ADCY7: variants seen among roughly 807,000 people sequenced by gnomAD.
The protein encoded by ADCY7 is adenylate cyclase 7.
Under a neutral mutation model 120.6 loss-of-function variants are expected in ADCY7, and 72 were observed. That is an observed-to-expected ratio of 0.60 (90% CI 0.49 to 0.73). The LOEUF (loss-of-function observed/expected upper bound fraction) is 0.73. Among genes scored for constraint, ADCY7 ranks in the 30% least tolerant of loss-of-function variants. The probability of loss-of-function intolerance (pLI) is 0.00; values close to 1 mark genes in which losing one functional copy is unlikely to be tolerated. For missense variants in ADCY7, 1,227 were observed against 1,486.0 expected (o/e 0.83, Z 2.87); for synonymous variants, 661 against 628.0 (o/e 1.05, Z -0.78).
At chr16:50,246,569 G>T (rs2032593955) in intron 1 of ADCY7, among the ~76,000 whole-genome samples, 1 of 152,210 alleles carries the variant, frequency 6.6e-6, no homozygotes, top group South Asian at 2.1e-4. Flanking sequence ...ACAGAAGGGG[G>T]CTGGCTCGGG....
intron 8 of ADCY7, among the ~76,000 whole-genome samples, chr16:50,299,613 G>T (rs911527641): frequency 1.3e-5 from 2 of 152,216 alleles, no homozygotes; most frequent in Non-Finnish European, 2.9e-5. Context: ...TGCCCGTCCT[G>T]GATATCAGGC....
At chr16:50,280,284 T>A (rs764611972) in intron 1 of ADCY7, among the ~76,000 whole-genome samples, 9 of 151,962 alleles carry the variant, frequency 5.9e-5, no homozygotes, top group Non-Finnish European at 1.2e-4. Flanking sequence ...ATTAGTAACA[T>A]TCCTGTAGTC....
chr16:50,254,020 T>C (rs576525064), intron 1 of ADCY7, among the ~76,000 whole-genome samples: 82 of 152,310 alleles, frequency 5.4e-4, no homozygotes, highest in Middle Eastern at 3.4e-3. Flanking sequence ...GGGTTGAGGC[T>C]GGGTCTGTGT....
upstream of ADCY7, among the ~76,000 whole-genome samples, chr16:50,264,833 C>CTT (rs34527039): frequency 2.7e-4 from 30 of 110,322 alleles, no homozygotes; most frequent in African/African-American, 3.3e-4. Context: ...TGTGGGAGGT[C>CTT]TTTTTTTTTT....
Position 50,308,471 on chromosome 16 carries a change from G to A in ADCY7, c.1935+60G>A, listed in dbSNP as rs114822015. The A allele has an allele frequency of 2.9e-3, 4,713 of 1,607,940 alleles. 108 individuals carry two copies. In the African/African-American group the frequency reaches 0.053, roughly 18 times the overall value. ...TCCCTGCCTCAGGACACCTGCCTAGGAGCCCTCCCTGGTGAGCTTGGCTGG... is the reference window on the plus strand; with the variant it reads ...TCCCTGCCTCAGGACACCTGCCTAGAAGCCCTCCCTGGTGAGCTTGGCTGG... On this transcript the variant is annotated intron_variant, in intron 16 of 25. Transcript: ENST00000673801.
intron 21 of ADCY7, 128 bp from the exon 22 acceptor site, chr16:50,312,762 G>T: frequency 1.3e-5 from 10 of 770,270 alleles, no homozygotes; most frequent in South Asian, 6.6e-5. Context: ...CATGCAGCCC[G>T]CCCCCCTCCC....
intron 2 of ADCY7, among the ~76,000 whole-genome samples, chr16:50,288,590 G>A (rs1297623047): frequency 6.6e-6 from 1 of 152,128 alleles, no homozygotes; most frequent in Non-Finnish European, 1.5e-5. Flanking sequence ...CAATTCTCCT[G>A]CCTCAGCCTT....
intron 7 of ADCY7, among the ~76,000 whole-genome samples, chr16:50,298,374 C>T (rs896488072): frequency 2.0e-5 from 3 of 152,120 alleles, no homozygotes; most frequent in South Asian, 2.1e-4. Flanking sequence ...GGTCTTAGCT[C>T]AAATGTTTCT....
rs757226422 is a variant in ADCY7 at position 50,309,676 on chromosome 16, T to C, written c.2160+30T>C. On this transcript the variant is annotated intron_variant, in intron 18 of 25. Transcript: ENST00000673801. ...GTGCGCCGGGCCCGGCTCCGTGGCC[T>C]CATTCAGAGTGGGGCTGCTGCTGCC... 9.5e-6 allele frequency: 15 copies of C among 1,583,876 alleles called. No homozygotes were observed. In the African/African-American group the frequency reaches 1.7e-4, roughly 18 times the overall value.
intron 15 of ADCY7, among the ~76,000 whole-genome samples, chr16:50,307,724 G>A (rs991905291): frequency 7.2e-5 from 11 of 152,168 alleles, no homozygotes; most frequent in South Asian, 2.1e-4. Context: ...GAGGCTGTGC[G>A]TGGTGACTCA....
upstream of ADCY7, among the ~76,000 whole-genome samples, chr16:50,262,273 T>C (rs2033079103): frequency 6.6e-6 from 1 of 151,882 alleles, no homozygotes; most frequent in Non-Finnish European, 1.5e-5. Flanking sequence ...TTTTTTTTTT[T>C]TTGAGACAGG....
chr16:50,271,859 G>A (rs966874674), intron 1 of ADCY7, among the ~76,000 whole-genome samples: 2 of 152,134 alleles, frequency 1.3e-5, no homozygotes, highest in South Asian at 2.1e-4. Context: ...TCACTCAGCC[G>A]CCTCCCCCAC....
chr16:50,301,172 C>A lies in ADCY7; in HGVS notation c.1326C>A (p.Leu442=). 3 of 1,611,628 alleles carry A rather than the reference C, an allele frequency of 1.9e-6. No homozygotes were observed. The highest frequency in any genetic ancestry group is 1.7e-6 in the Non-Finnish European group (2 of 1,178,890). ...ACGGGCAGCAGCGGGACCCCTACCT[C>A]AAGGAGATGAACATCCGCACCTACC... ...DGHGQQRDPY[L]KEMNIRTYLV... The change falls in exon 10 of 26, where the codon CTC becomes CTA. Residue 442 remains leucine (L), a synonymous_variant. Transcript: ENST00000673801.
At chr16:50,284,698 T>C (rs1167572191) in intron 1 of ADCY7, among the ~76,000 whole-genome samples, 3 of 152,238 alleles carry the variant, frequency 2.0e-5, no homozygotes, top group African/African-American at 7.2e-5. Context: ...CCCCGGGATG[T>C]CAGTGGGCAA....
intron 22 of ADCY7, 43 bp from the exon 23 acceptor site, chr16:50,313,915 C>T (rs2036630903): frequency 6.4e-7 from 1 of 1,553,252 alleles, no homozygotes; most frequent in Non-Finnish European, 8.9e-7. Context: ...CTGGCTGCGG[C>T]TATGGAGTGG....
chr16:50,261,872 G>A (rs1027392990), upstream of ADCY7, among the ~76,000 whole-genome samples: 5 of 152,186 alleles, frequency 3.3e-5, no homozygotes, highest in Non-Finnish European at 5.9e-5. Flanking sequence ...GGCTCCTCCC[G>A]GTGCCGTGAA....
At chr16:50,280,638 C>G (rs1225785050) in intron 1 of ADCY7, among the ~76,000 whole-genome samples, 1 of 152,220 alleles carries the variant, frequency 6.6e-6, no homozygotes, top group Non-Finnish European at 1.5e-5. Flanking sequence ...CAAAGAACAA[C>G]TTTCTACCCA....
intron 1 of ADCY7, among the ~76,000 whole-genome samples, chr16:50,260,310 G>A (rs191338595): frequency 1.4e-4 from 21 of 152,334 alleles, no homozygotes; most frequent in South Asian, 4.1e-4. Context: ...TCCTGAGCAG[G>A]GAGGGTGCTG....
At chr16:50,310,904 C>A in intron 19 of ADCY7, 24 bp downstream of exon 19, 1 of 1,553,978 alleles carries the variant, frequency 6.4e-7, no homozygotes, top group South Asian at 1.2e-5. Context: ...CGTCCCCGTC[C>A]CCATCCCCAT....
Sources: allele counts gnomAD v4.1 joint callset (sites outside exome capture counted in the v4.1 genomes callset), GRCh38; gene constraint gnomAD v4.1.1; transcripts MANE v1.5; gene names NCBI Gene and HGNC (gene_info 2026-07-23, HGNC 2026-07-21).